METTL16: variants seen among roughly 807,000 people sequenced by gnomAD.
The protein encoded by METTL16 is RNA N(6)-adenosine-methyltransferase METTL16.
In METTL16, 19 loss-of-function variants were observed where a neutral mutation model predicts 57.9. That is an observed-to-expected ratio of 0.33 (90% CI 0.23 to 0.48). METTL16 has a LOEUF of 0.48. METTL16 is among the 20% of genes least tolerant of loss of function. METTL16 has a pLI of 0.99. For missense variants in METTL16, 434 were observed against 691.5 expected, an observed-to-expected ratio of 0.63 and a Z score of 4.18; for synonymous variants, 246 against 255.6, an observed-to-expected ratio of 0.96 and a Z score of 0.36.
intron 8 of METTL16, among the ~76,000 whole-genome samples, chr17:2,437,026 C>T (rs1034428413): frequency 6.6e-6 from 1 of 151,996 alleles, no homozygotes; most frequent in Non-Finnish European, 1.5e-5. Context: ...GGACTACAGG[C>T]ATGCGCCATC....
At chr17:2,481,228 CAA>C (rs74363068) in intron 2 of METTL16, among the ~76,000 whole-genome samples, 2 of 113,856 alleles carry the variant, frequency 1.8e-5, no homozygotes. Context: ...GAAACAATGA[CAA>C]AAAAAAAAAA....
At chr17:2,488,553 C>T (rs2067360495) in intron 2 of METTL16, among the ~76,000 whole-genome samples, 1 of 151,830 alleles carries the variant, frequency 6.6e-6, no homozygotes, top group Admixed American at 6.6e-5. Flanking sequence ...AGCAAGACTC[C>T]GTTCCCCACC....
chr17:2,462,855 C>T (rs915896343), intron 6 of METTL16, among the ~76,000 whole-genome samples: 2 of 152,244 alleles, frequency 1.3e-5, no homozygotes, highest in Non-Finnish European at 2.9e-5. Flanking sequence ...TTTTATGTTA[C>T]GTGTATTTAC....
Position 2,504,380 on chromosome 17 carries a change from G to C in METTL16, c.1-2049C>G, listed in dbSNP as rs149528262. Among the ~76,000 whole-genome samples the C allele has an allele frequency of 5.1e-3, 770 of 152,302 alleles. 5 individuals are homozygous for C. Among genetic ancestry groups the C allele is most frequent in the Middle Eastern group, 0.01 (3 of 294 alleles). On this transcript the variant is annotated intron_variant, in intron 1 of 9. Coordinates refer to ENST00000263092, the MANE Select transcript of METTL16 (RefSeq NM_024086.4). ...GCTAAAATGGTAAATTTTATGTTAT[G>C]TATATTTTTCCATGATTTTAAAAAT... is the stretch of plus-strand genomic sequence containing the variant.
intron 7 of METTL16, among the ~76,000 whole-genome samples, chr17:2,439,720 T>C (rs558368035): frequency 6.6e-6 from 1 of 152,318 alleles, no homozygotes; most frequent in Non-Finnish European, 1.5e-5. Context: ...CTCTCTGACA[T>C]TCTACTCACC....
At chr17:2,458,116 C>A (rs1176394974) in intron 6 of METTL16, among the ~76,000 whole-genome samples, 1 of 152,140 alleles carries the variant, frequency 6.6e-6, no homozygotes, top group African/African-American at 2.4e-5. Flanking sequence ...CTGAGCTCAA[C>A]TGATCGTCCT....
rs184147638 is a variant in METTL16 at position 2,510,590 on chromosome 17, C to G, written c.-1+1169G>C. On this transcript the variant is annotated intron_variant, in intron 1 of 9. Transcript: ENST00000263092. ...GTAAATACAACCACTTCTTTTCTAA[C>G]TAACCTCCCAATATAGGCAATGAGT... Among the ~76,000 whole-genome samples, 8 of 152,320 alleles carry G rather than the reference C, an allele frequency of 5.3e-5. No homozygotes were observed. The East Asian group carries it at 1.5e-3, about 29-fold the overall frequency.
intron 2 of METTL16, among the ~76,000 whole-genome samples, chr17:2,501,807 G>C (rs959024102): frequency 6.6e-6 from 1 of 151,112 alleles, no homozygotes; most frequent in African/African-American, 2.4e-5. Flanking sequence ...GCAGTGAGCC[G>C]AGATCATGCC....
At chr17:2,481,182 C>T (rs559305280) in intron 2 of METTL16, among the ~76,000 whole-genome samples, 33 of 148,074 alleles carry the variant, frequency 2.2e-4, no homozygotes, top group African/African-American at 5.8e-4. Flanking sequence ...CACTCCCGTA[C>T]GGATGACAGA....
intron 8 of METTL16, among the ~76,000 whole-genome samples, chr17:2,437,090 T>C (rs1399110331): frequency 1.3e-5 from 2 of 152,106 alleles, no homozygotes; most frequent in Admixed American, 6.6e-5. Flanking sequence ...CCATGTTGCC[T>C]AGGCTGGTTT....
rs1397957314 is a variant in METTL16, at chr17:2,479,009, T to C, written c.129-1124A>G. 2.0e-5 allele frequency among the ~76,000 whole-genome samples: 3 copies of C among 152,182 alleles called. 1 individual carries two copies. The highest frequency in any genetic ancestry group is 7.2e-5 in the African/African-American group (3 of 41,436). On this transcript the variant is annotated intron_variant, in intron 2 of 9. Coordinates refer to ENST00000263092, the MANE Select transcript of METTL16 (RefSeq NM_024086.4). Reference sequence around the variant, plus strand: ...CTGCTCTTGGGTAGACAGTCAGGAATGGATCATAAGATATATTTGTATTTA... The same window carrying C: ...CTGCTCTTGGGTAGACAGTCAGGAACGGATCATAAGATATATTTGTATTTA...
intron 6 of METTL16, among the ~76,000 whole-genome samples, chr17:2,456,984 T>C (rs2067115553): frequency 6.6e-6 from 1 of 150,548 alleles, no homozygotes; most frequent in Non-Finnish European, 1.5e-5. Flanking sequence ...GCTTTCTCCA[T>C]TTTCTAATTT....
At chr17:2,500,626 C>T (rs2067480711) in intron 2 of METTL16, among the ~76,000 whole-genome samples, 1 of 152,122 alleles carries the variant, frequency 6.6e-6, no homozygotes, top group Non-Finnish European at 1.5e-5. Context: ...TCCTGCTCCT[C>T]TTCCTTCCCA....
intron 3 of METTL16, among the ~76,000 whole-genome samples, chr17:2,474,647 C>T (rs572735471): frequency 4.6e-5 from 7 of 152,306 alleles, no homozygotes; most frequent in East Asian, 3.9e-4. Flanking sequence ...TTTTACAGGC[C>T]GGGCGTGGTG....
At chr17:2,493,184 G>C (rs1337108544) in intron 2 of METTL16, among the ~76,000 whole-genome samples, 2 of 149,384 alleles carry the variant, frequency 1.3e-5, no homozygotes, top group Non-Finnish European at 3.0e-5. Flanking sequence ...CGCCTCCCGG[G>C]TTCATGCCAT....
intron 4 of METTL16, among the ~76,000 whole-genome samples, chr17:2,472,802 G>GC (rs781759016): frequency 1.5e-4 from 23 of 152,270 alleles, no homozygotes; most frequent in Middle Eastern, 6.8e-3. Context: ...ATGTAAAACT[G>GC]TGGAGACAGT....
intron 6 of METTL16, among the ~76,000 whole-genome samples, chr17:2,447,072 T>C (rs2067003294): frequency 6.8e-6 from 1 of 146,286 alleles, no homozygotes; most frequent in Non-Finnish European, 1.5e-5. Context: ...CCTCTCTGCC[T>C]GGCTGCCCAG....
intron 2 of METTL16, among the ~76,000 whole-genome samples, chr17:2,494,506 C>T (rs2067426277): frequency 6.6e-6 from 1 of 152,148 alleles, no homozygotes; most frequent in African/African-American, 2.4e-5. Flanking sequence ...GTAACTCTCA[C>T]AATATTTCAA....
chr17:2,480,279 A>C (rs1484913872), intron 2 of METTL16, among the ~76,000 whole-genome samples: 1 of 152,200 alleles, frequency 6.6e-6, no homozygotes, highest in East Asian at 1.9e-4. Context: ...ATCAGATTTC[A>C]TGAATATAGA....
Sources: gnomAD v4.1 joint callset for allele counts (sites outside exome capture counted in the v4.1 genomes callset) on GRCh38, gnomAD v4.1.1 for gene constraint, MANE v1.5 for transcripts, NCBI Gene and HGNC (gene_info 2026-07-23, HGNC 2026-07-21) for gene names.